The following NUP188 variants were observed in gnomAD, a reference collection of about 807,000 sequenced individuals.
NUP188 encodes nucleoporin NUP188.
NUP188 carries 97 observed loss-of-function variants against 223.0 expected under a neutral mutation model. The ratio of observed to expected loss-of-function variants is 0.43; its 90% CI spans 0.37 to 0.51. The LOEUF (loss-of-function observed/expected upper bound fraction) is 0.51. NUP188 is among the 20% of genes least tolerant of loss of function. The pLI is 0.00. For missense variants in NUP188, 1,947 were observed against 2,175.6 expected (o/e 0.89, Z 2.09); for synonymous variants, 869 against 828.0 (o/e 1.05, Z -0.85).
rs1842282118 is a variant in NUP188 at position 128,983,183 on chromosome 9, T to G, written c.1797-110T>G. ...ATATCTGTGAGGGTTTTCCTGTTTTTATATGTCTGCTGAGGGGAGAGACTG... is the reference window on the plus strand; with the variant it reads ...ATATCTGTGAGGGTTTTCCTGTTTTGATATGTCTGCTGAGGGGAGAGACTG... On this transcript the variant is annotated intron_variant, in intron 17 of 43. Transcript: ENST00000372577. 2.1e-6 allele frequency: 3 copies of G among 1,401,376 alleles called. No individual in the cohort carries two copies. The South Asian group carries it at 3.5e-5, about 17-fold the overall frequency. 86.8% of individuals were successfully genotyped at this position (1,401,376 alleles called of 1,614,324 possible).
Position 128,952,786 on chromosome 9 carries a change from C to A in NUP188, c.101C>A (p.Ala34Glu). The A allele has an allele frequency of 6.2e-7, 1 of 1,612,990 alleles. No homozygotes were observed. The highest frequency in any genetic ancestry group is 1.3e-5 in the African/African-American group (1 of 74,882). The part of the protein sequence containing the change: ...SALRELSQIE[A>E]ELNKHWRRLL... ...GTTCTTTTCCAGAGTCAGATTGAGG[C>A]AGAACTGAATAAACATTGGCGGCGA... Residue 34 changes from alanine to glutamate, a missense_variant, in exon 3 of 44, where the codon GCA becomes GAA. Transcript: ENST00000372577.
In NUP188 at chr9:128,957,984, C is replaced by CG. The variant is rs1206644215; in HGVS notation, c.328-26_328-25insG. On this transcript the variant is annotated intron_variant, in intron 5 of 43. Transcript: ENST00000372577. ...TTGAGTTTTGCCTAAAAGATGGCCTCTTAACTGCTCTGTTTTTCTTTTCAG... is the reference window on the plus strand; with the variant it reads ...TTGAGTTTTGCCTAAAAGATGGCCTCGTTAACTGCTCTGTTTTTCTTTTCAG... 17 of 1,600,218 alleles carry CG rather than the reference C, an allele frequency of 1.1e-5. No individual in the cohort carries two copies. In the African/African-American group the frequency reaches 2.2e-4, roughly 20 times the overall value.
rs747886144 is a variant in NUP188 at position 129,003,341 on chromosome 9, CAG to C, written c.4324_4325del (p.Leu1443GlyfsTer18). On this transcript the variant is annotated frameshift_variant, in exon 38 of 44. Transcript: ENST00000372577. LOFTEE classifies it high-confidence loss of function. The stretch of plus-strand genomic sequence containing the variant: ...GTGCCTCAACGCAGTGAGGACAGTG[CAG>C]AGTCTGGCCTGCCTGGAGGAGGCGG... ...LQCLNAVRTV[Q>X]SLACLEEADH... 2.5e-6 allele frequency: 4 copies of C among 1,612,090 alleles called. No individual in the cohort carries two copies.
At chr9:128,972,081 A>G (rs577878613) in intron 11 of NUP188, among the ~76,000 whole-genome samples, 16 of 152,334 alleles carry the variant, frequency 1.1e-4, no homozygotes, top group East Asian at 9.6e-4. Context: ...CAAATCAGCA[A>G]TTATACTCCT....
intron 10 of NUP188, 48 bp from the exon 11 acceptor site, chr9:128,970,710 T>C (rs530848946): frequency 1.3e-6 from 2 of 1,527,816 alleles, no homozygotes; most frequent in Middle Eastern, 1.7e-4. Flanking sequence ...TCGAGGGATA[T>C]TAACACTTTC....
At chr9:128,969,867 G>A (rs76869994) in intron 10 of NUP188, among the ~76,000 whole-genome samples, 4 of 151,980 alleles carry the variant, frequency 2.6e-5, no homozygotes, top group South Asian at 2.1e-4. Flanking sequence ...TCCTGACTTC[G>A]TGATCCTCCC....
Position 128,981,201 on chromosome 9 carries a change from C to T in NUP188, c.1390-63C>T, listed in dbSNP as rs957645081. The T allele has an allele frequency of 3.5e-5, 56 of 1,583,512 alleles. No homozygotes were observed. In the South Asian group the frequency reaches 5.4e-4, roughly 15 times the overall value. ...TTGAGAGTCTGGTTGAAAGAGCAGA[C>T]TGTGGGACCTCTCCTTGCTTATCCT... On this transcript the variant is annotated intron_variant, in intron 14 of 43. Transcript: ENST00000372577.
At chr9:129,002,428 G>A (rs925922740) in intron 36 of NUP188, among the ~76,000 whole-genome samples, 19 of 152,210 alleles carry the variant, frequency 1.2e-4, no homozygotes, top group Admixed American at 4.6e-4. Flanking sequence ...GTTATTTCTA[G>A]TTTAACAGAT....
intron 38 of NUP188, 122 bp from the exon 39 acceptor site, chr9:129,005,025 A>C (rs1348195241): frequency 2.8e-6 from 2 of 710,496 alleles, no homozygotes; most frequent in African/African-American, 3.5e-5. Context: ...GGAAGGAGGG[A>C]GAGAAGAGCA....
chr9:128,968,752 G>A (rs2131153625), intron 9 of NUP188, 35 bp downstream of exon 9: 2 of 1,508,198 alleles, frequency 1.3e-6, no homozygotes, highest in Non-Finnish European at 1.8e-6. Context: ...GGAACTTGCA[G>A]TGTTTAGAGC....
At chr9:128,948,788 C>T (rs1160637186) in intron 1 of NUP188, among the ~76,000 whole-genome samples, 1 of 133,780 alleles carries the variant, frequency 7.5e-6, no homozygotes, top group African/African-American at 2.8e-5. Context: ...TGCAATGGCA[C>T]GATCTCGGCT....
intron 34 of NUP188, 51 bp downstream of exon 34, chr9:128,999,856 C>T: frequency 7.1e-6 from 11 of 1,542,784 alleles, no homozygotes; most frequent in Non-Finnish European, 9.8e-6. Context: ...CCCGCCAGCT[C>T]TGTGCCTGAC....
At chr9:128,997,428 C>A (rs1842547862) in intron 30 of NUP188, among the ~76,000 whole-genome samples, 1 of 152,160 alleles carries the variant, frequency 6.6e-6, no homozygotes, top group Non-Finnish European at 1.5e-5. Context: ...GGAGGTGAAC[C>A]TGGGCTTGAT....
intron 8 of NUP188, among the ~76,000 whole-genome samples, chr9:128,963,325 G>A (rs1247781491): frequency 5.0e-5 from 7 of 138,692 alleles, no homozygotes; most frequent in Non-Finnish European, 1.1e-4. Context: ...TCGCTCTGTC[G>A]CCCAGGCTGG....
At chr9:128,987,051 A>C (rs1480912399) in intron 22 of NUP188, among the ~76,000 whole-genome samples, 176 bp downstream of exon 22, 1 of 150,910 alleles carries the variant, frequency 6.6e-6, no homozygotes, top group Admixed American at 6.6e-5. Flanking sequence ...CACTGTGGAC[A>C]GAGAAGTAGG....
In NUP188 at chr9:128,986,554, G is replaced by A. The variant is rs1488802698; in HGVS notation, c.2077-4G>A. On this transcript the variant is annotated splice_polypyrimidine_tract_variant and splice_region_variant and intron_variant, in intron 20 of 43. Transcript: ENST00000372577. ...GGAAGTCCTCACTGCATGGTTTCTT[G>A]TAGGGGCAACTTGGTAGTACCCAGA... 2 of 1,612,752 alleles carry A rather than the reference G, an allele frequency of 1.2e-6. No homozygotes were observed. Among genetic ancestry groups the A allele is most frequent in the Admixed American group, 1.7e-5 (1 of 59,700 alleles).
chr9:128,990,188 C>G lies in NUP188; in HGVS notation c.2602C>G (p.Pro868Ala). 1.2e-6 allele frequency: 2 copies of G among 1,614,138 alleles called. No individual in the cohort carries two copies. Among genetic ancestry groups the G allele is most frequent in the South Asian group, 2.2e-5 (2 of 91,076 alleles). Residue 868 changes from proline to alanine, a missense_variant, in exon 25 of 44, where the codon CCA becomes GCA. Around this residue, in one of 3 missense-constraint regions of NUP188, gnomAD observed 225 missense variants for 319.1 expected, o/e 0.71. Transcript: ENST00000372577. ...CTACCACAAACATGACCCTGCTTTG[C>G]CACGTCTTGCCATTCAGCTGCTGAA... ...YIYHKHDPAL[P>A]RLAIQLLKRL...
intron 8 of NUP188, among the ~76,000 whole-genome samples, chr9:128,963,282 A>G (rs1343059826): frequency 7.2e-6 from 1 of 138,780 alleles, no homozygotes; most frequent in East Asian, 2.1e-4. Flanking sequence ...GTAAATGTAA[A>G]TTTTTTTTTT....
At chr9:128,965,727 A>G (rs1272229613) in intron 8 of NUP188, among the ~76,000 whole-genome samples, 2 of 151,744 alleles carry the variant, frequency 1.3e-5, no homozygotes, top group Non-Finnish European at 2.9e-5. Context: ...TGCTGGGATT[A>G]TAGACGTGAG....
Sources: gnomAD v4.1 joint callset for allele counts (sites outside exome capture counted in the v4.1 genomes callset) on GRCh38, gnomAD v4.1.1 for gene constraint, gnomAD v4.1.1 regional missense constraint, MANE v1.5 for transcripts, NCBI Gene and HGNC (gene_info 2026-07-23, HGNC 2026-07-21) for gene names.